Variants in DNM3 observed in about 807,000 individuals in gnomAD.
DNM3 encodes the protein dynamin 3.
Under a neutral mutation model 101.6 loss-of-function variants are expected in DNM3, and 47 were observed. That is an observed-to-expected ratio of 0.46 (90% confidence interval 0.37 to 0.59). DNM3 has a LOEUF of 0.59. Among genes scored for constraint, DNM3 ranks in the 20% least tolerant of loss-of-function variants. DNM3 has a pLI of 0.00. For missense variants in DNM3, 849 were observed against 1,085.7 expected (o/e 0.78, Z 3.06); for synonymous variants, 385 against 387.9 (o/e 0.99, Z 0.09).
Position 172,356,525 on chromosome 1 carries a change from T to G in DNM3, c.1894-22493T>G, listed in dbSNP as rs1004688666. 4.7e-4 allele frequency among the ~76,000 whole-genome samples: 71 copies of G among 152,120 alleles called. 1 individual carries two copies. The highest frequency in any genetic ancestry group is 8.8e-5 in the Non-Finnish European group (6 of 67,994). ...ATTTGACGGGGTTTTAAATTTGTAATGAAAGAGCCATAGACTCCTCAGAAT... is the reference window on the plus strand; with the variant it reads ...ATTTGACGGGGTTTTAAATTTGTAAGGAAAGAGCCATAGACTCCTCAGAAT... On this transcript the variant is annotated intron_variant, in intron 17 of 20. Transcript: ENST00000627582.
chr1:172,192,791 G>C (rs1050009861), intron 14 of DNM3, among the ~76,000 whole-genome samples: 2 of 151,550 alleles, frequency 1.3e-5, no homozygotes, highest in African/African-American at 2.4e-5. Flanking sequence ...GGACATTTGG[G>C]TTGGTTCCAA....
intron 14 of DNM3, among the ~76,000 whole-genome samples, chr1:172,224,805 AAAAT>A (rs1352982137): frequency 1.4e-4 from 22 of 152,230 alleles, no homozygotes; most frequent in Non-Finnish European, 2.8e-4. Context: ...CCCATTGTAT[AAAAT>A]AAATAAAACC....
At chr1:172,416,643 T>C (rs1029552083), downstream of DNM3, among the ~76,000 whole-genome samples, 16 of 152,226 alleles carry the variant, frequency 1.1e-4, no homozygotes, top group South Asian at 4.1e-4. Context: ...GTGGACTTGC[T>C]GTTCAGTTTA....
chr1:172,192,237 C>T (rs150783882), intron 14 of DNM3, among the ~76,000 whole-genome samples: 3,235 of 152,156 alleles, frequency 0.021, 51 homozygotes, highest in Middle Eastern at 0.037. Flanking sequence ...GCCTTTTCTG[C>T]ATCTCTTGAG....
At position 172,408,312 on chromosome 1, in the gene DNM3, A is replaced by T. The variant is rs1162407510; in HGVS notation, c.*471A>T. ...GCTACTACCTACTCCATAATTGCCTATTTAGCTCCTCTTTTCTTCCTTTTT... is the reference window on the plus strand; with the variant it reads ...GCTACTACCTACTCCATAATTGCCTTTTTAGCTCCTCTTTTCTTCCTTTTT... On this transcript the variant is annotated 3_prime_UTR_variant, in exon 21 of 21. Coordinates refer to ENST00000627582, the MANE Select transcript of DNM3 (RefSeq NM_015569.5). 1 of 986,604 alleles carries T rather than the reference A, an allele frequency of 1.0e-6. No individual in the cohort carries two copies. The highest frequency in any genetic ancestry group is 4.7e-5 in the South Asian group (1 of 21,376). The allele number at this position is 986,604 out of a possible 1,614,324, so 61.1% of individuals were successfully genotyped here. A position where few individuals can be genotyped will look rare whatever the true frequency, so the allele number is the denominator to read the frequency against.
chr1:172,169,436 A>T (rs778371306), intron 14 of DNM3, among the ~76,000 whole-genome samples: 14 of 151,898 alleles, frequency 9.2e-5, no homozygotes, highest in Non-Finnish European at 1.6e-4. Flanking sequence ...TCATCCTATC[A>T]TTGGGCATTT....
chr1:172,234,331 A>G (rs1477934718), intron 14 of DNM3, among the ~76,000 whole-genome samples: 3 of 152,094 alleles, frequency 2.0e-5, no homozygotes, highest in Admixed American at 6.6e-5. Flanking sequence ...AACTTACAAA[A>G]GATGTGAAGG....
intron 14 of DNM3, among the ~76,000 whole-genome samples, chr1:172,235,200 A>G (rs2061491694): frequency 6.6e-6 from 1 of 152,246 alleles, no homozygotes; most frequent in Non-Finnish European, 1.5e-5. Flanking sequence ...ATGAGCAGAC[A>G]CTTCTCAAAA....
chr1:172,305,556 A>AT (rs1394639917), intron 15 of DNM3, among the ~76,000 whole-genome samples: 1 of 152,246 alleles, frequency 6.6e-6, no homozygotes, highest in Non-Finnish European at 1.5e-5. Context: ...TCCTGATACC[A>AT]AAGCCTGGCA....
intron 15 of DNM3, among the ~76,000 whole-genome samples, chr1:172,260,634 T>C (rs1349429261): frequency 6.6e-6 from 1 of 152,156 alleles, no homozygotes; most frequent in Non-Finnish European, 1.5e-5. Context: ...ATTTTGTATA[T>C]TATTCAATGA....
At chr1:172,234,024 T>C (rs1217324276) in intron 14 of DNM3, among the ~76,000 whole-genome samples, 1 of 152,064 alleles carries the variant, frequency 6.6e-6, no homozygotes, top group Non-Finnish European at 1.5e-5. Flanking sequence ...CAACATAGTG[T>C]TGGAAGTTCT....
At chr1:172,282,321 C>G (rs1322447266) in intron 15 of DNM3, among the ~76,000 whole-genome samples, 5 of 152,116 alleles carry the variant, frequency 3.3e-5, no homozygotes, top group Non-Finnish European at 5.9e-5. Context: ...ATAATCACTA[C>G]CAGTCACCAT....
chr1:172,305,262 C>CA (rs1261175945), intron 15 of DNM3, among the ~76,000 whole-genome samples: 1 of 152,136 alleles, frequency 6.6e-6, no homozygotes. Context: ...CACATCTACA[C>CA]AAATAAACTA....
intron 14 of DNM3, among the ~76,000 whole-genome samples, chr1:172,196,361 T>C (rs2059949135): frequency 6.6e-6 from 1 of 152,132 alleles, no homozygotes; most frequent in Non-Finnish European, 1.5e-5. Context: ...AGTGCTGCAG[T>C]GAACATTTGA....
At chr1:172,338,195 G>A (rs558134838) in intron 17 of DNM3, among the ~76,000 whole-genome samples, 20 of 152,070 alleles carry the variant, frequency 1.3e-4, no homozygotes, top group South Asian at 6.2e-4. Flanking sequence ...GATTACAGGC[G>A]TGAGCCACTG....
chr1:172,030,522 A>G (rs1222687500), intron 4 of DNM3, among the ~76,000 whole-genome samples: 3 of 152,208 alleles, frequency 2.0e-5, no homozygotes, highest in Admixed American at 2.0e-4. Context: ...CACCAAAGCA[A>G]TGGCAATAAA....
At chr1:172,204,728 A>C (rs2060269734) in intron 14 of DNM3, among the ~76,000 whole-genome samples, 1 of 152,100 alleles carries the variant, frequency 6.6e-6, no homozygotes, top group African/African-American at 2.4e-5. Flanking sequence ...TCTTTCTCAA[A>C]TACGGTCCCT....
At chr1:172,104,673 ATTG>A (rs1422865693) in intron 13 of DNM3, among the ~76,000 whole-genome samples, 1 of 152,134 alleles carries the variant, frequency 6.6e-6, no homozygotes. Flanking sequence ...AGTAATGTTT[ATTG>A]TTCTTTATTC....
chr1:171,948,861 G>A (rs2042327800), intron 2 of DNM3, among the ~76,000 whole-genome samples: 1 of 151,934 alleles, frequency 6.6e-6, no homozygotes, highest in Non-Finnish European at 1.5e-5. Context: ...TAGTATTCAG[G>A]CACTCAAGAG....
Sources: gnomAD v4.1 joint callset for allele counts (sites outside exome capture counted in the v4.1 genomes callset) on GRCh38, gnomAD v4.1.1 for gene constraint, MANE v1.5 for transcripts, NCBI Gene and HGNC (gene_info 2026-07-23, HGNC 2026-07-21) for gene names.